The following ARID3A variants were observed in gnomAD, a reference collection of about 807,000 sequenced individuals.
ARID3A encodes AT-rich interactive domain-containing protein 3A.
A neutral mutation model predicts 52.7 loss-of-function variants in ARID3A; 11 were observed. The ratio of observed to expected loss-of-function variants is 0.21; its 90% confidence interval spans 0.13 to 0.35. The LOEUF is 0.35. Among genes scored for constraint, ARID3A ranks in the 10% least tolerant of loss-of-function variants. ARID3A has a pLI of 1.00. For missense variants in ARID3A, 721 were observed against 838.5 expected, an observed-to-expected ratio of 0.86 and a Z score of 1.73; for synonymous variants, 404 against 359.4, an observed-to-expected ratio of 1.12 and a Z score of -1.40.
At chr19:939,006 C>T (rs1398945106) in intron 3 of ARID3A, among the ~76,000 whole-genome samples, 2 of 150,062 alleles carry the variant, frequency 1.3e-5, no homozygotes, top group East Asian at 2.0e-4. Context: ...TCTCAGCTCA[C>T]TGCAACCTCT....
At chr19:946,167 G>A (rs1435471640) in intron 3 of ARID3A, among the ~76,000 whole-genome samples, 1 of 151,968 alleles carries the variant, frequency 6.6e-6, no homozygotes, top group African/African-American at 2.4e-5. Context: ...CGCGTGGAGT[G>A]GCAGGTTCGT....
chr19:951,875 C>G (rs1231470927), intron 3 of ARID3A, among the ~76,000 whole-genome samples: 1 of 152,134 alleles, frequency 6.6e-6, no homozygotes, highest in African/African-American at 2.4e-5. Context: ...GTGGCTCATA[C>G]CCAGAATCCC....
At chr19:970,012 A>T (rs1421242802) in intron 8 of ARID3A, among the ~76,000 whole-genome samples, 2 of 151,918 alleles carry the variant, frequency 1.3e-5, no homozygotes, top group African/African-American at 4.8e-5. Context: ...ATATTTTTTT[A>T]AATAAAATGA....
Position 938,882 on chromosome 19 carries a change from G to T in ARID3A, c.693+6140G>T, listed in dbSNP as rs1404974316. Among the ~76,000 whole-genome samples the T allele has an allele frequency of 4.7e-5, 7 of 148,424 alleles. No homozygotes were observed. The highest frequency in any genetic ancestry group is 7.5e-5 in the Non-Finnish European group (5 of 66,906). On this transcript the variant is annotated intron_variant, in intron 3 of 8. Coordinates refer to ENST00000263620, the MANE Select transcript of ARID3A (RefSeq NM_005224.3). The surrounding 1 kb of genome is among the most constrained non-coding windows in gnomAD (Gnocchi z 4.0). Reference sequence around the variant, plus strand: ...TTTTTTTGGTCTTTTCAGCTCATTTGTTTTTTTTAATTGTGGAAAATACAC... The same window carrying T: ...TTTTTTTGGTCTTTTCAGCTCATTTTTTTTTTTTAATTGTGGAAAATACAC...
chr19:946,418 CG>C (rs2037682091), intron 3 of ARID3A, among the ~76,000 whole-genome samples: 1 of 141,940 alleles, frequency 7.0e-6, no homozygotes, highest in African/African-American at 2.6e-5. Flanking sequence ...TGCACCACCA[CG>C]CCCGGCTAAT....
At chr19:953,330 G>A (rs1002355846) in intron 3 of ARID3A, among the ~76,000 whole-genome samples, 1 of 152,084 alleles carries the variant, frequency 6.6e-6, no homozygotes, top group Non-Finnish European at 1.5e-5. Flanking sequence ...GCTGGGGGGT[G>A]GCGGTTATCT....
At position 964,120 on chromosome 19, in the gene ARID3A, G is replaced by A. The variant is rs1277292527; in HGVS notation, c.767-128G>A. 2.7e-6 allele frequency: 2 copies of A among 730,558 alleles called. No individual in the cohort carries two copies. Among genetic ancestry groups the A allele is most frequent in the Non-Finnish European group, 4.4e-6 (2 of 450,462 alleles). The allele number at this position is 730,558 out of a possible 1,614,324, so 45.3% of individuals were successfully genotyped here. A position where few individuals can be genotyped will look rare whatever the true frequency, so the allele number is the denominator to read the frequency against. On this transcript the variant is annotated intron_variant, in intron 4 of 8. Coordinates refer to ENST00000263620, the MANE Select transcript of ARID3A (RefSeq NM_005224.3). This position sits in a 1 kb window ranked among gnomAD's most constrained non-coding sequence, Gnocchi z 5.7. ...CCACAGAGGGCCCTGGGCAATGTCT[G>A]GAGACATCTGTGGTTGTCACAGCCT... is the stretch of plus-strand genomic sequence containing the variant.
At chr19:950,876 G>A (rs745488278) in intron 3 of ARID3A, among the ~76,000 whole-genome samples, 1 of 151,974 alleles carries the variant, frequency 6.6e-6, no homozygotes, top group Non-Finnish European at 1.5e-5. Flanking sequence ...AGGCTGGAGT[G>A]CAATGGCACG....
chr19:934,983 A>C (rs116876756), intron 3 of ARID3A, among the ~76,000 whole-genome samples: 1 of 151,996 alleles, frequency 6.6e-6, no homozygotes, highest in Non-Finnish European at 1.5e-5. Context: ...CTGGCCAGAC[A>C]CCTGTGTTCC....
In ARID3A at chr19:941,196, C is replaced by T. The variant is rs1374870173; in HGVS notation, c.693+8454C>T. On this transcript the variant is annotated intron_variant, in intron 3 of 8. Transcript: ENST00000263620. This position sits in a 1 kb window ranked among gnomAD's most constrained non-coding sequence, Gnocchi z 6.9. Reference sequence around the variant, plus strand: ...TGCCCGCAGGCAGAGAGTGTCCCCGCGTGGTGCCTGGGCGGGGGAATGGGC... The same window carrying T: ...TGCCCGCAGGCAGAGAGTGTCCCCGTGTGGTGCCTGGGCGGGGGAATGGGC... Among the ~76,000 whole-genome samples the T allele has an allele frequency of 1.3e-5, 2 of 152,230 alleles. No individual in the cohort carries two copies. The highest frequency in any genetic ancestry group is 2.9e-5 in the Non-Finnish European group (2 of 68,028).
At chr19:930,664 C>T (rs527920672) in intron 2 of ARID3A, among the ~76,000 whole-genome samples, 94 of 151,012 alleles carry the variant, frequency 6.2e-4, no homozygotes, top group African/African-American at 2.0e-3. Flanking sequence ...CGCCCGCCAC[C>T]ACGCCTGGCT....
intron 3 of ARID3A, among the ~76,000 whole-genome samples, chr19:945,783 C>T (rs1363013535): frequency 6.6e-6 from 1 of 152,190 alleles, no homozygotes; most frequent in African/African-American, 2.4e-5. Flanking sequence ...GTTCTGGCCC[C>T]TTGCACTGCC....
At chr19:962,836 G>T (rs923152308) in intron 4 of ARID3A, among the ~76,000 whole-genome samples, 4 of 152,108 alleles carry the variant, frequency 2.6e-5, no homozygotes, top group Non-Finnish European at 5.9e-5. Context: ...CTTTTACTTT[G>T]CAAACTCTGA....
chr19:926,424 G>A (rs1390312179), intron 1 of ARID3A, among the ~76,000 whole-genome samples: 4 of 151,750 alleles, frequency 2.6e-5, no homozygotes, highest in Non-Finnish European at 5.9e-5. Context: ...GGGCGAGCAG[G>A]GGCGATCGGG....
At chr19:928,040 G>T (rs1461852177) in intron 1 of ARID3A, among the ~76,000 whole-genome samples, 2 of 152,072 alleles carry the variant, frequency 1.3e-5, no homozygotes, top group Admixed American at 1.3e-4. Context: ...CCTGGGTGGG[G>T]TCGGGTCACA....
At chr19:951,706 C>A (rs1319977512) in intron 3 of ARID3A, among the ~76,000 whole-genome samples, 1 of 152,172 alleles carries the variant, frequency 6.6e-6, no homozygotes, top group African/African-American at 2.4e-5. Context: ...GGCTGCTGCC[C>A]GGAGGGGGCG....
Position 975,205 on chromosome 19 carries a change from C to T in ARID3A, c.*3140C>T. ...AGGACCCTGGATGGGTTCTAGTTCACTTGGGACCGTGGGGCCTGGCTGCGT... is the reference window on the plus strand; with the variant it reads ...AGGACCCTGGATGGGTTCTAGTTCATTTGGGACCGTGGGGCCTGGCTGCGT... On this transcript the variant is annotated 3_prime_UTR_variant, in exon 9 of 9. Coordinates refer to ENST00000263620, the MANE Select transcript of ARID3A (RefSeq NM_005224.3). The T allele has an allele frequency of 4.3e-6, 1 of 231,968 alleles. No homozygotes were observed. Among genetic ancestry groups the T allele is most frequent in the African/African-American group, 2.2e-5 (1 of 45,362 alleles). 14.4% of individuals were successfully genotyped at this position (231,968 alleles called of 1,614,324 possible). A position where few individuals can be genotyped will look rare whatever the true frequency, so the allele number is the denominator to read the frequency against.
chr19:942,175 C>A lies in ARID3A; in HGVS notation c.693+9433C>A, dbSNP rs577522360. Reference sequence around the variant, plus strand: ...GACAGGGCCGCTGGGGGTGCACCCCCACCCTCTCCGACCCCGAGGAGCTGC... The same window carrying A: ...GACAGGGCCGCTGGGGGTGCACCCCAACCCTCTCCGACCCCGAGGAGCTGC... On this transcript the variant is annotated intron_variant, in intron 3 of 8. Coordinates refer to ENST00000263620, the MANE Select transcript of ARID3A (RefSeq NM_005224.3). The surrounding 1 kb of genome is among the most constrained non-coding windows in gnomAD (Gnocchi z 8.1). Among the ~76,000 whole-genome samples, 1 of 152,288 alleles carries A rather than the reference C, an allele frequency of 6.6e-6. No individual in the cohort carries two copies. The highest frequency in any genetic ancestry group is 1.5e-5 in the Non-Finnish European group (1 of 68,002).
chr19:964,608 C>T lies in ARID3A; in HGVS notation c.950+177C>T, dbSNP rs973947668. On this transcript the variant is annotated intron_variant, in intron 5 of 8. Transcript: ENST00000263620. The surrounding 1 kb of genome is among the most constrained non-coding windows in gnomAD (Gnocchi z 5.7). ...GGCCCGAGAGCGTCAAGTAGGGGTG[C>T]GAGGACCACACAGTCTCTGGGGTTG... is the stretch of plus-strand genomic sequence containing the variant. Among the ~76,000 whole-genome samples the T allele has an allele frequency of 2.0e-5, 3 of 152,040 alleles. No individual in the cohort carries two copies. The highest frequency in any genetic ancestry group is 6.6e-5 in the Admixed American group (1 of 15,264).
Sources: allele counts gnomAD v4.1 joint callset (sites outside exome capture counted in the v4.1 genomes callset), GRCh38; gene constraint gnomAD v4.1.1; non-coding constraint Gnocchi (gnomAD v3.1); transcripts MANE v1.5; gene names NCBI Gene and HGNC (gene_info 2026-07-23, HGNC 2026-07-21).